EIF2B3: variants seen among roughly 807,000 people sequenced by gnomAD.
EIF2B3 encodes the protein translation initiation factor eIF2B subunit gamma.
Under a neutral mutation model 54.1 loss-of-function variants are expected in EIF2B3, and 20 were observed. The ratio of observed to expected loss-of-function variants is 0.37; its 90% CI spans 0.26 to 0.54. The LOEUF is 0.54. Among genes scored for constraint, EIF2B3 ranks in the 20% least tolerant of loss-of-function variants. EIF2B3 has a pLI of 0.86. For synonymous variants in EIF2B3, 153 were observed against 188.1 expected, an observed-to-expected ratio of 0.81 and a Z score of 1.52; for missense variants, 448 against 547.8, an observed-to-expected ratio of 0.82 and a Z score of 1.82.
chr1:44,922,591 CAAAAA>C (rs58626731), intron 5 of EIF2B3, among the ~76,000 whole-genome samples: 2 of 87,534 alleles, frequency 2.3e-5, no homozygotes, highest in Admixed American at 1.3e-4. Context: ...TGTCTCAAGA[CAAAAA>C]AAAAAAAAAA....
intron 10 of EIF2B3, among the ~76,000 whole-genome samples, chr1:44,870,341 C>T (rs1010168111): frequency 1.8e-4 from 27 of 152,186 alleles, no homozygotes; most frequent in Non-Finnish European, 5.9e-5. Context: ...CTTCCTACCT[C>T]TTGTGCCCTA....
At chr1:44,963,974 T>C (rs1356753741) in intron 3 of EIF2B3, among the ~76,000 whole-genome samples, 1 of 152,056 alleles carries the variant, frequency 6.6e-6, no homozygotes, top group African/African-American at 2.4e-5. Flanking sequence ...TCAAATTAAG[T>C]ACAGGGCTAC....
intron 10 of EIF2B3, among the ~76,000 whole-genome samples, chr1:44,860,131 C>T (rs1014980328): frequency 6.6e-6 from 1 of 151,416 alleles, no homozygotes; most frequent in Admixed American, 6.6e-5. Context: ...GGCATGACCA[C>T]CGCTCCTGGC....
intron 3 of EIF2B3, among the ~76,000 whole-genome samples, chr1:44,953,781 A>T (rs1388555379): frequency 6.6e-6 from 1 of 152,186 alleles, no homozygotes; most frequent in African/African-American, 2.4e-5. Flanking sequence ...CACTGGAGTG[A>T]CATTCTGTCT....
intron 3 of EIF2B3, chr1:44,958,930 A>G (rs1644255840): frequency 1.3e-6 from 1 of 780,378 alleles, no homozygotes. Flanking sequence ...GAGAAAATAT[A>G]TACTCAGCAA....
Position 44,914,468 on chromosome 1 carries a change from T to G in EIF2B3, c.566+12160A>C, listed in dbSNP as rs425780. Among the ~76,000 whole-genome samples the G allele has an allele frequency of 6.8e-3, 1,032 of 152,232 alleles. 13 individuals are homozygous for G. Among genetic ancestry groups the G allele is most frequent in the African/African-American group, 0.024 (980 of 41,528 alleles). On this transcript the variant is annotated intron_variant, in intron 5 of 11. Transcript: ENST00000360403. Reference sequence around the variant, plus strand: ...GAGCCACTGTGCCCAGCCAGAAAATTTTTTAAAATACAGAAAAGTACAAAG... The same window carrying G: ...GAGCCACTGTGCCCAGCCAGAAAATGTTTTAAAATACAGAAAAGTACAAAG...
intron 4 of EIF2B3, among the ~76,000 whole-genome samples, chr1:44,932,813 C>T (rs1229992781): frequency 2.6e-5 from 4 of 151,958 alleles, no homozygotes; most frequent in Non-Finnish European, 5.9e-5. Flanking sequence ...AGTTTATATC[C>T]AGCCAAAATA....
chr1:44,967,593 A>G (rs1482408345), intron 3 of EIF2B3, among the ~76,000 whole-genome samples: 2 of 150,734 alleles, frequency 1.3e-5, no homozygotes, highest in African/African-American at 4.9e-5. Context: ...ATAAAAAATT[A>G]GCCGGGTGTG....
At chr1:44,895,677 T>C (rs1046488823) in intron 6 of EIF2B3, among the ~76,000 whole-genome samples, 1 of 152,164 alleles carries the variant, frequency 6.6e-6, no homozygotes, top group Admixed American at 6.6e-5. Flanking sequence ...TATATCAAAA[T>C]GCCTTGCTTT....
At chr1:44,897,880 T>C (rs1174566602) in intron 5 of EIF2B3, among the ~76,000 whole-genome samples, 1 of 151,702 alleles carries the variant, frequency 6.6e-6, no homozygotes, top group Non-Finnish European at 1.5e-5. Context: ...GAAACTATAG[T>C]TGTACACCAC....
rs902954781 is a variant in EIF2B3 at position 44,972,222 on chromosome 1, TAA to T, written c.294+6091_294+6092del. Among the ~76,000 whole-genome samples, 5 of 145,078 alleles carry T rather than the reference TAA, an allele frequency of 3.4e-5. No individual in the cohort carries two copies. In the East Asian group the frequency reaches 6.0e-4, roughly 17 times the overall value. ...GGGCAACATAGTGAGACTCTGTCTC[TAA>T]AAAAAAATACACACACACACACACA... On this transcript the variant is annotated intron_variant, in intron 3 of 11. Coordinates refer to ENST00000360403, the MANE Select transcript of EIF2B3 (RefSeq NM_020365.5).
At chr1:44,960,751 T>C (rs1354448941) in intron 3 of EIF2B3, among the ~76,000 whole-genome samples, 1 of 152,214 alleles carries the variant, frequency 6.6e-6, no homozygotes, top group Non-Finnish European at 1.5e-5. Flanking sequence ...AACTTGTAGG[T>C]TATATGCAAA....
At chr1:44,972,577 G>C (rs1644412388) in intron 3 of EIF2B3, 2 of 149,598 alleles carry the variant, frequency 1.3e-5, no homozygotes, top group Non-Finnish European at 2.9e-5. Flanking sequence ...ACTCCAGCCT[G>C]GGCAACAAGA....
At chr1:44,955,252 C>T (rs1226616030) in intron 3 of EIF2B3, among the ~76,000 whole-genome samples, 1 of 152,120 alleles carries the variant, frequency 6.6e-6, no homozygotes, top group East Asian at 1.9e-4. Flanking sequence ...CTGACAAAAA[C>T]AAGAAATGAG....
intron 6 of EIF2B3, among the ~76,000 whole-genome samples, chr1:44,896,528 C>T (rs932789508): frequency 1.3e-5 from 2 of 152,152 alleles, no homozygotes; most frequent in Admixed American, 6.5e-5. Flanking sequence ...TCCAGATGGT[C>T]GGAGATACCT....
At chr1:44,941,247 A>T (rs1221054214) in intron 4 of EIF2B3, among the ~76,000 whole-genome samples, 1 of 152,190 alleles carries the variant, frequency 6.6e-6, no homozygotes, top group East Asian at 1.9e-4. Context: ...ATACGTATTC[A>T]ATTATTTGAG....
intron 3 of EIF2B3, among the ~76,000 whole-genome samples, chr1:44,948,144 G>A (rs771612258): frequency 6.6e-6 from 1 of 152,238 alleles, no homozygotes; most frequent in South Asian, 2.1e-4. Flanking sequence ...TGTTTTCACT[G>A]AGGTTGGGGC....
chr1:44,893,238 T>G (rs1655859399), intron 6 of EIF2B3, among the ~76,000 whole-genome samples: 1 of 152,118 alleles, frequency 6.6e-6, no homozygotes. Flanking sequence ...TAACATAACT[T>G]CATTTTGTAT....
chr1:44,958,394 T>G (rs1051241534), intron 3 of EIF2B3, among the ~76,000 whole-genome samples: 1 of 152,348 alleles, frequency 6.6e-6, no homozygotes, highest in Admixed American at 6.5e-5. Flanking sequence ...TGGATTCATG[T>G]GATGCCAGAG....
Sources: allele counts gnomAD v4.1 joint callset (sites outside exome capture counted in the v4.1 genomes callset), GRCh38; gene constraint gnomAD v4.1.1; transcripts MANE v1.5; gene names NCBI Gene and HGNC (gene_info 2026-07-23, HGNC 2026-07-21).